The following RFX4 variants were observed in gnomAD, a reference collection of about 807,000 sequenced individuals.
RFX4 encodes the protein regulatory factor X4, also known as transcription factor RFX4.
In RFX4, 10 loss-of-function variants were observed where a neutral mutation model predicts 95.0. The observed-to-expected ratio is 0.11, with a 90% confidence interval of 0.06 to 0.18. RFX4 has a LOEUF of 0.18. RFX4 is among the 10% of genes least tolerant of loss of function. The pLI is 1.00. For missense variants in RFX4, 640 were observed against 922.0 expected (o/e 0.69, Z 3.96); for synonymous variants, 321 against 340.7 (o/e 0.94, Z 0.64).
intron 1 of RFX4, among the ~76,000 whole-genome samples, chr12:106,590,772 C>T (rs1456623415): frequency 6.6e-6 from 1 of 152,096 alleles, no homozygotes; most frequent in Non-Finnish European, 1.5e-5. Flanking sequence ...TAGTGACACT[C>T]TTATCTCTAC....
At chr12:106,643,428 G>A (rs1003808883) in intron 3 of RFX4, among the ~76,000 whole-genome samples, 2 of 152,196 alleles carry the variant, frequency 1.3e-5, no homozygotes, top group African/African-American at 4.8e-5. Context: ...GGAAAAGAAA[G>A]TAGGACATTA....
chr12:106,742,048 G>A (rs546576548), intron 15 of RFX4, among the ~76,000 whole-genome samples: 230 of 152,156 alleles, frequency 1.5e-3, no homozygotes, highest in Non-Finnish European at 2.6e-3. Flanking sequence ...TGGCCCTGGG[G>A]TTGGGGACCC....
In RFX4 at chr12:106,726,413, C is replaced by T. The variant is rs145631865; in HGVS notation, c.1351+5537C>T. On this transcript the variant is annotated intron_variant, in intron 13 of 17. Transcript: ENST00000392842. ...TCAATAAAATGGTTTGACCTGCCCC[C>T]GCAAAATAAGGAAATGATTGTATTC... is the stretch of plus-strand genomic sequence containing the variant. Among the ~76,000 whole-genome samples, 167 of 152,020 alleles carry T rather than the reference C, an allele frequency of 1.1e-3. 2 individuals are homozygous for T. The highest frequency in any genetic ancestry group is 6.2e-3 in the East Asian group (32 of 5,160).
chr12:106,719,722 G>A (rs1051381511), intron 11 of RFX4, among the ~76,000 whole-genome samples: 5 of 152,126 alleles, frequency 3.3e-5, no homozygotes, highest in Admixed American at 2.0e-4. Context: ...GCTTGCTGGC[G>A]GAATGGCAAG....
intron 1 of RFX4, among the ~76,000 whole-genome samples, chr12:106,597,231 A>T (rs1206777650): frequency 1.3e-5 from 2 of 152,190 alleles, no homozygotes; most frequent in African/African-American, 4.8e-5. Flanking sequence ...TCCTCATAAT[A>T]ACCTCATGGG....
intron 8 of RFX4, among the ~76,000 whole-genome samples, chr12:106,708,476 G>T (rs1395613901): frequency 2.0e-5 from 3 of 152,098 alleles, no homozygotes; most frequent in African/African-American, 7.2e-5. Flanking sequence ...TCAGTGACCA[G>T]AGAGAAATGG....
intron 2 of RFX4, among the ~76,000 whole-genome samples, chr12:106,610,149 A>C (rs185865774): frequency 0.011 from 1,644 of 151,696 alleles, 15 homozygotes; most frequent in Admixed American, 0.019. Context: ...GAGGCAGGAG[A>C]ATGGCGTGAA....
intron 2 of RFX4, among the ~76,000 whole-genome samples, chr12:106,627,485 C>T (rs1208456811): frequency 3.3e-5 from 5 of 152,002 alleles, no homozygotes; most frequent in East Asian, 3.9e-4. Context: ...TGCAGTGAGC[C>T]GAGACCACGC....
intron 2 of RFX4, among the ~76,000 whole-genome samples, chr12:106,621,727 C>T (rs1418342390): frequency 6.6e-6 from 1 of 152,114 alleles, no homozygotes; most frequent in Admixed American, 6.5e-5. Context: ...CTCTGTCATC[C>T]CCAAACTCTC....
intron 4 of RFX4, among the ~76,000 whole-genome samples, chr12:106,659,919 G>A (rs2041038544): frequency 6.6e-6 from 1 of 152,192 alleles, no homozygotes; most frequent in Admixed American, 6.5e-5. Flanking sequence ...GTCATTAGTA[G>A]TCATCTGGTG....
Position 106,689,354 on chromosome 12 carries a change from A to G in RFX4, c.659A>G (p.Asn220Ser). Reference sequence around the variant, plus strand: ...ATACTGGACACTGTAATAAGAGCCAACTTTGATGAGGTAGGTCAACAAGGG... The same window carrying G: ...ATACTGGACACTGTAATAAGAGCCAGCTTTGATGAGGTAGGTCAACAAGGG... ...QRILDTVIRANFDEVQSFLLH... is the reference protein window; with the variant it reads ...QRILDTVIRASFDEVQSFLLH... Residue 220 changes from asparagine (N) to serine (S), a missense_variant, in exon 7 of 18, where the codon AAC (asparagine) becomes AGC (serine). Asn to Ser is a conservative substitution (Grantham distance 46). This residue lies in a region of RFX4 where 96 missense variants were observed against 183.7 expected (regional missense o/e 0.52). Transcript: ENST00000392842. The G allele has an allele frequency of 6.2e-7, 1 of 1,612,888 alleles. No homozygotes were observed. Among genetic ancestry groups the G allele is most frequent in the Non-Finnish European group, 8.5e-7 (1 of 1,178,818 alleles).
At chr12:106,607,577 T>TGGGGGGGGGGGGGGGGG (rs200818869) in intron 1 of RFX4, among the ~76,000 whole-genome samples, 1 of 52,050 alleles carries the variant, frequency 1.9e-5, no homozygotes, top group African/African-American at 5.4e-5. Context: ...GGGGGTGGGG[T>TGGGGGGGGGGGGGGGGG]GGGGGGGGCG....
intron 10 of RFX4, among the ~76,000 whole-genome samples, chr12:106,713,339 C>T (rs536775664): frequency 6.6e-6 from 1 of 152,190 alleles, no homozygotes; most frequent in Non-Finnish European, 1.5e-5. Flanking sequence ...CTTTTGGGTG[C>T]CTACTGTGTG....
chr12:106,635,107 A>C (rs918860655), intron 2 of RFX4, among the ~76,000 whole-genome samples: 4 of 152,222 alleles, frequency 2.6e-5, no homozygotes, highest in African/African-American at 9.6e-5. Flanking sequence ...TGATTTGCTC[A>C]GTTCTGGCCA....
intron 2 of RFX4, among the ~76,000 whole-genome samples, chr12:106,613,458 G>A (rs1462019556): frequency 6.6e-6 from 1 of 151,422 alleles, no homozygotes; most frequent in Non-Finnish European, 1.5e-5. Context: ...TGCCTCCCAG[G>A]TTCAAGCGAT....
At chr12:106,683,466 GAAAAAAAA>G (rs149587196) in intron 5 of RFX4, 6 of 50,826 alleles carry the variant, frequency 1.2e-4, no homozygotes, top group Admixed American at 7.6e-4. Flanking sequence ...TGACTATTCT[GAAAAAAAA>G]AAAAAAAAAA....
chr12:106,602,479 G>C (rs2039731925), intron 1 of RFX4, among the ~76,000 whole-genome samples: 1 of 152,128 alleles, frequency 6.6e-6, no homozygotes, highest in South Asian at 2.1e-4. Context: ...TAAGTGGCCA[G>C]GCTGGGATTT....
At chr12:106,732,707 G>GTAAATAAA (rs372246846) in intron 14 of RFX4, among the ~76,000 whole-genome samples, 15 of 151,710 alleles carry the variant, frequency 9.9e-5, no homozygotes, top group East Asian at 1.9e-4. Flanking sequence ...CTCAAAATAA[G>GTAAATAAA]TAAATAAATA....
rs1182239852 is a variant in RFX4, at chr12:106,750,910, A to G, written c.1935+117A>G. 7.1e-6 allele frequency: 6 copies of G among 848,730 alleles called. No individual in the cohort carries two copies. The Admixed American group carries it at 2.0e-4, about 29-fold the overall frequency. 52.6% of individuals were successfully genotyped at this position (848,730 alleles called of 1,614,324 possible). Reference sequence around the variant, plus strand: ...GTGTGCAGCGTGTGTGTCCCCAAGGAGAGGACAGTCTTTATTTATTTATTT... The same window carrying G: ...GTGTGCAGCGTGTGTGTCCCCAAGGGGAGGACAGTCTTTATTTATTTATTT... On this transcript the variant is annotated intron_variant, in intron 17 of 17. Transcript: ENST00000392842.
Sources: allele counts gnomAD v4.1 joint callset (sites outside exome capture counted in the v4.1 genomes callset), GRCh38; gene constraint gnomAD v4.1.1; regional missense constraint gnomAD v4.1.1; transcripts MANE v1.5; gene names NCBI Gene and HGNC (gene_info 2026-07-23, HGNC 2026-07-21).